SMC3: variants seen among roughly 807,000 people sequenced by gnomAD.
The protein encoded by SMC3 is structural maintenance of chromosomes 3.
Under a neutral mutation model 171.8 loss-of-function variants are expected in SMC3, and 20 were observed. The ratio of observed to expected loss-of-function variants is 0.12; its 90% CI spans 0.08 to 0.17. SMC3 has a LOEUF of 0.17. SMC3 is among the 10% of genes least tolerant of loss of function. SMC3 has a pLI of 1.00. For synonymous variants in SMC3, 464 were observed against 451.1 expected (o/e 1.03, Z -0.36); for missense variants, 543 against 1,420.4 (o/e 0.38, Z 9.93).
chr10:110,577,361 C>T, intron 4 of SMC3, 60 bp from the exon 5 acceptor site: 1 of 1,274,044 alleles, frequency 7.8e-7, no homozygotes, highest in Non-Finnish European at 1.1e-6. Context: ...CTTTAAGAAT[C>T]CTTTAAAGGA....
At chr10:110,602,761 A>G in intron 26 of SMC3, 64 bp from the exon 27 acceptor site, 1 of 1,574,124 alleles carries the variant, frequency 6.4e-7, no homozygotes, top group South Asian at 1.1e-5. Context: ...TATGCAAGTT[A>G]CTTTTGAAAG....
intron 2 of SMC3, among the ~76,000 whole-genome samples, chr10:110,572,767 T>C (rs576255428): frequency 6.6e-6 from 1 of 152,306 alleles, no homozygotes; most frequent in East Asian, 1.9e-4. Context: ...ACAAAATGAT[T>C]TTTCATTTCC....
At chr10:110,568,103 G>C (rs1185225739) in intron 1 of SMC3, among the ~76,000 whole-genome samples, 1 of 152,114 alleles carries the variant, frequency 6.6e-6, no homozygotes, top group Admixed American at 6.5e-5. Flanking sequence ...AAGGGCCGGC[G>C]GGCGGGCCGC....
chr10:110,578,128 C>CA (rs1379914393), intron 6 of SMC3, among the ~76,000 whole-genome samples: 1 of 151,882 alleles, frequency 6.6e-6, no homozygotes. Flanking sequence ...GGCTGGAGTG[C>CA]AGTGGCGCAG....
Position 110,592,263 on chromosome 10 carries a change from C to CA in SMC3, c.1813-795dup, listed in dbSNP as rs58488395. Among the ~76,000 whole-genome samples the CA allele has an allele frequency of 8.4e-3, 1,216 of 144,476 alleles. 14 individuals are homozygous for CA. The highest frequency in any genetic ancestry group is 0.025 in the African/African-American group (971 of 38,904). The allele number at this position is 144,476 out of a possible 152,430, so 94.8% of individuals were successfully genotyped here. A position where few individuals can be genotyped will look rare whatever the true frequency, so the allele number is the denominator to read the frequency against. ...CTGGCAACAGAGCAAGACTCCATCT[C>CA]AAAAAAAAAAAAAAATTTTATAGAA... On this transcript the variant is annotated intron_variant, in intron 17 of 28. Transcript: ENST00000361804.
At chr10:110,592,584 A>C (rs973446522) in intron 17 of SMC3, among the ~76,000 whole-genome samples, 4 of 152,262 alleles carry the variant, frequency 2.6e-5, no homozygotes, top group Non-Finnish European at 5.9e-5. Context: ...TAATTTAGAT[A>C]TATAAAATAT....
intron 13 of SMC3, 42 bp from the exon 14 acceptor site, chr10:110,589,563 G>A (rs1165722424): frequency 7.6e-7 from 1 of 1,322,048 alleles, no homozygotes; most frequent in South Asian, 1.2e-5. Context: ...GTGTAGATTA[G>A]TTTCATGAAA....
intron 21 of SMC3, among the ~76,000 whole-genome samples, chr10:110,600,094 A>G (rs191169135): frequency 1.3e-5 from 2 of 152,354 alleles, no homozygotes; most frequent in African/African-American, 4.8e-5. Flanking sequence ...TAGCCTTACC[A>G]TATTTATCTT....
chr10:110,589,194 C>A (rs920405497), intron 13 of SMC3, among the ~76,000 whole-genome samples: 1 of 151,856 alleles, frequency 6.6e-6, no homozygotes, highest in Admixed American at 6.6e-5. Flanking sequence ...TCGAGACCAT[C>A]CTGGCTAACA....
rs1249699971 is a variant in SMC3 at position 110,604,214 on chromosome 10, T to C, written c.3583-17T>C. On this transcript the variant is annotated splice_polypyrimidine_tract_variant and intron_variant, in intron 28 of 28. Transcript: ENST00000361804. ...GATGTAATTAACAGATTTTTGTTTTTAACATTTATTCTTCAGGTTAGTCAT... is the reference window on the plus strand; with the variant it reads ...GATGTAATTAACAGATTTTTGTTTTCAACATTTATTCTTCAGGTTAGTCAT... 6.3e-7 allele frequency: 1 copy of C among 1,598,078 alleles called. No individual in the cohort carries two copies.
intron 3 of SMC3, among the ~76,000 whole-genome samples, chr10:110,575,069 G>A (rs1860927349): frequency 2.6e-5 from 4 of 152,034 alleles, no homozygotes; most frequent in Admixed American, 2.6e-4. Context: ...TTGCTTGTCT[G>A]TTTTCATGTA....
chr10:110,595,939 T>TTTTA (rs397951768), intron 18 of SMC3, among the ~76,000 whole-genome samples: 24 of 140,780 alleles, frequency 1.7e-4, no homozygotes, highest in South Asian at 4.7e-4. Flanking sequence ...TTTTTTTTTT[T>TTTTA]AAAGACTGCA....
rs888606691 is a variant in SMC3 at position 110,567,695 on chromosome 10, G to C, written c.-122G>C. On this transcript the variant is annotated 5_prime_UTR_variant, in exon 1 of 29. Transcript: ENST00000361804. Reference sequence around the variant, plus strand: ...CCGCCCCCACGAGCGCCGCCATTTTGTTTGGCTGAGGGGAGCGAGCGGCGC... The same window carrying C: ...CCGCCCCCACGAGCGCCGCCATTTTCTTTGGCTGAGGGGAGCGAGCGGCGC... 30 of 1,227,718 alleles carry C rather than the reference G, an allele frequency of 2.4e-5. No individual in the cohort carries two copies. The highest frequency in any genetic ancestry group is 3.2e-5 in the Non-Finnish European group (27 of 847,238). 76.1% of individuals were successfully genotyped at this position (1,227,718 alleles called of 1,614,324 possible).
chr10:110,595,949 A>AC, intron 18 of SMC3, among the ~76,000 whole-genome samples: 1 of 118,114 alleles, frequency 8.5e-6, no homozygotes, highest in Non-Finnish European at 1.7e-5. Flanking sequence ...TAAAGACTGC[A>AC]AATTTTGGCT....
intron 3 of SMC3, among the ~76,000 whole-genome samples, chr10:110,574,746 A>G (rs1482949523): frequency 6.6e-6 from 1 of 152,208 alleles, no homozygotes; most frequent in Non-Finnish European, 1.5e-5. Flanking sequence ...AGAACAGCTG[A>G]GTAAAGAGTT....
chr10:110,570,022 T>C (rs1238561018), intron 2 of SMC3, among the ~76,000 whole-genome samples: 1 of 152,190 alleles, frequency 6.6e-6, no homozygotes, highest in African/African-American at 2.4e-5. Flanking sequence ...TACCATAGAC[T>C]GGTGGCTTAA....
At chr10:110,573,243 A>G (rs1194671930) in intron 2 of SMC3, among the ~76,000 whole-genome samples, 2 of 151,984 alleles carry the variant, frequency 1.3e-5, no homozygotes, top group Non-Finnish European at 2.9e-5. Flanking sequence ...AATTATTTAT[A>G]TTTTTGTGGT....
chr10:110,586,749 C>T (rs1439541320), intron 13 of SMC3, among the ~76,000 whole-genome samples: 1 of 152,170 alleles, frequency 6.6e-6, no homozygotes, highest in South Asian at 2.1e-4. Flanking sequence ...CTTCTGCCTC[C>T]TGGGTTCAAG....
chr10:110,600,909 T>C (rs946571547), intron 22 of SMC3, 113 bp from the exon 23 acceptor site: 11 of 752,742 alleles, frequency 1.5e-5, no homozygotes, highest in Admixed American at 1.1e-4. Flanking sequence ...TTTGTAATTA[T>C]ATGATGTATT....
Sources: gnomAD v4.1 joint callset for allele counts (sites outside exome capture counted in the v4.1 genomes callset) on GRCh38, gnomAD v4.1.1 for gene constraint, MANE v1.5 for transcripts, NCBI Gene and HGNC (gene_info 2026-07-23, HGNC 2026-07-21) for gene names.